Variants in PSD3 observed in about 807,000 individuals in gnomAD.
The protein encoded by PSD3 is PH and SEC7 domain-containing protein 3.
A neutral mutation model predicts 105.5 loss-of-function variants in PSD3; 49 were observed. The ratio of observed to expected loss-of-function variants is 0.46; its 90% confidence interval spans 0.37 to 0.59. PSD3 has a LOEUF of 0.59. Ranked by LOEUF, PSD3 falls within the 20% of genes least tolerant of loss-of-function variation. The probability of loss-of-function intolerance (pLI) is 0.00; values close to 1 mark genes in which losing one functional copy is unlikely to be tolerated. For missense variants in PSD3, 1,561 were observed against 1,263.8 expected (o/e 1.24, Z -3.57); for synonymous variants, 557 against 457.8 (o/e 1.22, Z -2.77).
chr8:18,540,281 A>G (rs971765546), intron 15 of PSD3, among the ~76,000 whole-genome samples: 4 of 152,224 alleles, frequency 2.6e-5, no homozygotes, highest in African/African-American at 9.6e-5. Flanking sequence ...GGATGACTGT[A>G]TGCTATAAAC....
At position 18,613,570 on chromosome 8, in the gene PSD3, G is replaced by A. The variant is rs188935837; in HGVS notation, c.2411-13136C>T. Among the ~76,000 whole-genome samples, 3 of 152,112 alleles carry A rather than the reference G, an allele frequency of 2.0e-5. No individual in the cohort carries two copies. In the South Asian group the frequency reaches 6.2e-4, roughly 32 times the overall value. On this transcript the variant is annotated intron_variant, in intron 11 of 15. Coordinates refer to ENST00000327040, the MANE Select transcript of PSD3 (RefSeq NM_015310.4). The stretch of plus-strand genomic sequence containing the variant: ...TTTTTCCTGCAACGCTAGAGTCACA[G>A]AATTATTTTTTGAATCTTAATGAAT...
chr8:18,907,563 T>C (rs1052377752), intron 2 of PSD3, among the ~76,000 whole-genome samples: 1 of 152,236 alleles, frequency 6.6e-6, no homozygotes, highest in Admixed American at 6.5e-5. Flanking sequence ...GTTACAACTG[T>C]CTACTGCATT....
intron 15 of PSD3, among the ~76,000 whole-genome samples, chr8:18,552,804 C>G (rs1266794353): frequency 6.6e-6 from 1 of 152,198 alleles, no homozygotes; most frequent in Non-Finnish European, 1.5e-5. Flanking sequence ...CAAACCACAG[C>G]TTGGAGGTTA....
At chr8:19,004,078 A>G (rs749896267) in intron 1 of PSD3, among the ~76,000 whole-genome samples, 1 of 152,056 alleles carries the variant, frequency 6.6e-6, no homozygotes, top group Non-Finnish European at 1.5e-5. Flanking sequence ...CAAGTTTGGG[A>G]AACACTATTT....
At chr8:18,724,230 G>A (rs79234856) in intron 9 of PSD3, among the ~76,000 whole-genome samples, 2,985 of 152,126 alleles carry the variant, frequency 0.02, 109 homozygotes, top group African/African-American at 0.069. Context: ...CTATTACAGC[G>A]GTCTATAAAT....
At chr8:18,904,106 G>A (rs558510480) in intron 2 of PSD3, among the ~76,000 whole-genome samples, 1 of 152,162 alleles carries the variant, frequency 6.6e-6, no homozygotes, top group Non-Finnish European at 1.5e-5. Flanking sequence ...CTTCTGGTCA[G>A]GACCTCAGGA....
intron 1 of PSD3, among the ~76,000 whole-genome samples, chr8:18,977,300 T>C (rs1275223601): frequency 6.7e-6 from 1 of 149,546 alleles, no homozygotes; most frequent in African/African-American, 2.5e-5. Flanking sequence ...TGAGCCAGAC[T>C]ATCTGAGCTC....
chr8:19,039,601 C>A (rs1211017060), intron 1 of PSD3, among the ~76,000 whole-genome samples: 1 of 152,172 alleles, frequency 6.6e-6, no homozygotes, highest in Non-Finnish European at 1.5e-5. Context: ...GTCTACTGGA[C>A]AATATCATGT....
intron 9 of PSD3, among the ~76,000 whole-genome samples, chr8:18,732,425 G>C (rs1803829031): frequency 6.6e-6 from 1 of 152,246 alleles, no homozygotes; most frequent in African/African-American, 2.4e-5. Flanking sequence ...TCATTTGCTA[G>C]AGATTCTGCA....
In PSD3 at chr8:18,527,829, A is replaced by C. The variant is rs1585179208; in HGVS notation, c.*7914T>G. The C allele has an allele frequency of 6.6e-6, 1 of 152,378 alleles. No homozygotes were observed. The highest frequency in any genetic ancestry group is 1.9e-4 in the East Asian group (1 of 5,186). The allele number at this position is 152,378 out of a possible 1,614,324, so 9.4% of individuals were successfully genotyped here. A position where few individuals can be genotyped will look rare whatever the true frequency, so the allele number is the denominator to read the frequency against. ...GTGTTATAGTACCGCCAGCTTACCC[A>C]AAACTGCTAATGCCGACAGTTTCGC... On this transcript the variant is annotated 3_prime_UTR_variant, in exon 16 of 16. Transcript: ENST00000327040.
At chr8:18,921,420 T>C (rs1428420261) in intron 2 of PSD3, among the ~76,000 whole-genome samples, 4 of 152,244 alleles carry the variant, frequency 2.6e-5, no homozygotes, top group Admixed American at 6.5e-5. Flanking sequence ...GGTCATCCCT[T>C]GCCCACAGAT....
At chr8:18,855,259 G>T (rs942213842) in intron 4 of PSD3, among the ~76,000 whole-genome samples, 3 of 152,076 alleles carry the variant, frequency 2.0e-5, no homozygotes, top group Non-Finnish European at 4.4e-5. Context: ...AGAATGTTCT[G>T]GTTTACCAGA....
In PSD3 at chr8:18,765,480, T is replaced by G; in HGVS notation, c.2141A>C (p.Glu714Ala). Residue 714 changes from glutamate (E) to alanine (A), a missense_variant, in exon 9 of 16, where the codon GAG becomes GCG. By Grantham distance (107) the Glu-to-Ala change is moderately radical. Coordinates refer to ENST00000327040, the MANE Select transcript of PSD3 (RefSeq NM_015310.4). Reference protein sequence around the residue: ...EFIANLQGVNEGVDFSKDLLK... With the variant: ...EFIANLQGVNAGVDFSKDLLK... ...CAGATCCTTGGAGAAATCAACACCC[T>G]CATTTACCCCTTGCAGATTTGCAAT... The G allele has an allele frequency of 6.2e-7, 1 of 1,613,054 alleles. No individual in the cohort carries two copies. Among genetic ancestry groups the G allele is most frequent in the South Asian group, 1.1e-5 (1 of 91,058 alleles).
At chr8:19,011,475 C>A (rs1826946556) in intron 1 of PSD3, among the ~76,000 whole-genome samples, 1 of 152,186 alleles carries the variant, frequency 6.6e-6, no homozygotes. Context: ...AGAAAGAGGG[C>A]AGAGCCATTG....
chr8:18,656,602 C>T (rs1808914510), intron 9 of PSD3, among the ~76,000 whole-genome samples: 1 of 151,982 alleles, frequency 6.6e-6, no homozygotes, highest in Non-Finnish European at 1.5e-5. Flanking sequence ...TTCTTTAGAC[C>T]CTTGGTAACA....
intron 8 of PSD3, among the ~76,000 whole-genome samples, chr8:18,784,772 T>C (rs1379343948): frequency 6.6e-6 from 1 of 152,198 alleles, no homozygotes; most frequent in South Asian, 2.1e-4. Context: ...CCCTGTGATG[T>C]TGGGATGCCC....
intron 1 of PSD3, among the ~76,000 whole-genome samples, chr8:19,038,540 A>T (rs1357789028): frequency 6.6e-6 from 1 of 152,200 alleles, no homozygotes; most frequent in Non-Finnish European, 1.5e-5. Context: ...AACTTACTGC[A>T]GTCTTAACCT....
intron 4 of PSD3, among the ~76,000 whole-genome samples, chr8:18,821,872 C>CCACACACACACA (rs5889830): frequency 9.5e-5 from 13 of 137,386 alleles, no homozygotes; most frequent in Admixed American, 1.4e-4. Flanking sequence ...TGCACACACA[C>CCACACACACACA]CACACACACA....
At chr8:18,542,980 T>G (rs571101609) in intron 15 of PSD3, among the ~76,000 whole-genome samples, 2 of 152,162 alleles carry the variant, frequency 1.3e-5, no homozygotes, top group South Asian at 2.1e-4. Context: ...ACAGGGTAAA[T>G]AGAGTTCCAG....
Sources: gnomAD v4.1 joint callset for allele counts (sites outside exome capture counted in the v4.1 genomes callset) on GRCh38, gnomAD v4.1.1 for gene constraint, MANE v1.5 for transcripts, NCBI Gene and HGNC (gene_info 2026-07-23, HGNC 2026-07-21) for gene names.